CHRNB3: variants seen among roughly 807,000 people sequenced by gnomAD.
The protein encoded by CHRNB3 is cholinergic receptor nicotinic beta 3 subunit, also known as neuronal acetylcholine receptor subunit beta-3.
A neutral mutation model predicts 40.6 loss-of-function variants in CHRNB3; 37 were observed. That is an observed-to-expected ratio of 0.91 (90% CI 0.70 to 1.20). The LOEUF is 1.20. Among genes scored for constraint, CHRNB3 ranks in the 50% most tolerant of loss-of-function variants. The pLI, the probability that CHRNB3 is intolerant of heterozygous loss-of-function variation, is 0.00. For synonymous variants in CHRNB3, 207 were observed against 207.1 expected (o/e 1.00, Z 0.00); for missense variants, 505 against 551.2 (o/e 0.92, Z 0.84).
At position 42,708,558 on chromosome 8, in the gene CHRNB3, G is replaced by A. The variant is rs144261068; in HGVS notation, c.53-159G>A. 6.6e-5 allele frequency among the ~76,000 whole-genome samples: 10 copies of A among 152,204 alleles called. No individual in the cohort carries two copies. In the East Asian group the frequency reaches 1.9e-3, roughly 29 times the overall value. On this transcript the variant is annotated intron_variant, in intron 1 of 5. Coordinates refer to ENST00000289957, the MANE Select transcript of CHRNB3 (RefSeq NM_000749.5). ...TTGGAGGGAGGTGGGAGTGGACGTG[G>A]AGACTCTTGCATGCTCCAAGTTGCC...
chr8:42,699,981 T>C (rs1815754169), intron 1 of CHRNB3, among the ~76,000 whole-genome samples: 1 of 151,168 alleles, frequency 6.6e-6, no homozygotes, highest in Middle Eastern at 3.4e-3. Context: ...TTCACAATCG[T>C]CTTTGCTGAG....
At chr8:42,703,229 G>A (rs1815849177) in intron 1 of CHRNB3, among the ~76,000 whole-genome samples, 1 of 151,508 alleles carries the variant, frequency 6.6e-6, no homozygotes, top group South Asian at 2.1e-4. Context: ...TTCAAGACCA[G>A]CCTGACCAAT....
rs180939079 is a variant in CHRNB3, at chr8:42,732,515, C to T, written c.1208C>T (p.Ser403Leu). 58 of 1,605,044 alleles carry T rather than the reference C, an allele frequency of 3.6e-5. No homozygotes were observed. In the Admixed American group the frequency reaches 6.8e-4, roughly 19 times the overall value. ...GCTGCTGATTCCATTAGATACATTT[C>T]GAGACATGTGAAGAAAGAACATTTT... ...EKAADSIRYISRHVKKEHFIS... is the reference protein window; with the variant it reads ...EKAADSIRYILRHVKKEHFIS... The change falls in exon 5 of 6, where the codon TCG (serine) becomes TTG (leucine). Residue 403 changes from serine to leucine, a missense_variant. Coordinates refer to ENST00000289957, the MANE Select transcript of CHRNB3 (RefSeq NM_000749.5).
chr8:42,733,194 G>A (rs1816458904), intron 5 of CHRNB3, among the ~76,000 whole-genome samples: 1 of 151,948 alleles, frequency 6.6e-6, no homozygotes, highest in African/African-American at 2.4e-5. Flanking sequence ...ACTGGGTGTG[G>A]GTGGGCGTGC....
chr8:42,720,844 T>C (rs1019537693), intron 3 of CHRNB3, among the ~76,000 whole-genome samples: 1 of 152,252 alleles, frequency 6.6e-6, no homozygotes, highest in Non-Finnish European at 1.5e-5. Flanking sequence ...TTTTGCAATT[T>C]GCAACAAGAC....
intron 1 of CHRNB3, among the ~76,000 whole-genome samples, chr8:42,702,053 A>T (rs1815814984): frequency 6.6e-6 from 1 of 152,098 alleles, no homozygotes; most frequent in Non-Finnish European, 1.5e-5. Flanking sequence ...TTCTCCTCCT[A>T]ATGAGTGATG....
At chr8:42,702,944 G>A (rs528595188) in intron 1 of CHRNB3, among the ~76,000 whole-genome samples, 9 of 152,150 alleles carry the variant, frequency 5.9e-5, no homozygotes, top group Non-Finnish European at 7.3e-5. Flanking sequence ...AGAAGACCAC[G>A]CAGGCCACCA....
intron 3 of CHRNB3, among the ~76,000 whole-genome samples, chr8:42,720,846 C>T (rs1194948591): frequency 6.6e-6 from 1 of 152,216 alleles, no homozygotes; most frequent in Non-Finnish European, 1.5e-5. Context: ...TTGCAATTTG[C>T]AACAAGACAG....
At chr8:42,712,711 G>C (rs1357765557) in intron 3 of CHRNB3, among the ~76,000 whole-genome samples, 1 of 152,080 alleles carries the variant, frequency 6.6e-6, no homozygotes, top group Non-Finnish European at 1.5e-5. Flanking sequence ...AGTTGATAAA[G>C]GCCAAGAAGA....
intron 1 of CHRNB3, among the ~76,000 whole-genome samples, chr8:42,698,081 A>G (rs1023680885): frequency 6.6e-6 from 1 of 152,348 alleles, no homozygotes; most frequent in Admixed American, 6.5e-5. Flanking sequence ...GCATGTTTAT[A>G]TATCACAATT....
chr8:42,717,819 CTTT>C (rs71550406), intron 3 of CHRNB3, among the ~76,000 whole-genome samples: 5 of 100,202 alleles, frequency 5.0e-5, no homozygotes, highest in East Asian at 2.8e-4. Flanking sequence ...CTTTCTCATC[CTTT>C]TTTTTTTTTT....
At chr8:42,712,318 A>G (rs141263154) in intron 3 of CHRNB3, among the ~76,000 whole-genome samples, 79 of 152,246 alleles carry the variant, frequency 5.2e-4, no homozygotes, top group African/African-American at 1.7e-3. Context: ...GATATTGCCT[A>G]ATTTGCCCCA....
chr8:42,726,622 C>T (rs1198387407), intron 3 of CHRNB3, among the ~76,000 whole-genome samples: 2 of 152,010 alleles, frequency 1.3e-5, no homozygotes, highest in Non-Finnish European at 2.9e-5. Context: ...CCTCAGCCTC[C>T]TGAGTAGCTG....
At chr8:42,710,309 TC>T in intron 2 of CHRNB3, 80 bp from the exon 3 acceptor site, 1 of 1,087,282 alleles carries the variant, frequency 9.2e-7, no homozygotes, top group South Asian at 1.3e-5. Context: ...CATCTTGAGA[TC>T]CCATTTCTAA....
chr8:42,713,526 C>T (rs1343855317), intron 3 of CHRNB3, among the ~76,000 whole-genome samples: 1 of 152,074 alleles, frequency 6.6e-6, no homozygotes, highest in Non-Finnish European at 1.5e-5. Context: ...TGAGAATAAT[C>T]GACTTTTTTG....
Position 42,736,530 on chromosome 8 carries a change from T to C in CHRNB3, c.1289T>C (p.Phe430Ser), listed in dbSNP as rs554240099. The part of the protein sequence containing the change: ...KFVAQVLDRI[F>S]LWLFLIVSVT... ...GTAGCTCAAGTTCTTGACCGAATCT[T>C]CCTGTGGCTCTTTCTGATAGTGTCA... Residue 430 changes from phenylalanine (F) to serine (S), a missense_variant, in exon 6 of 6, where the codon TTC (phenylalanine) becomes TCC (serine). Coordinates refer to ENST00000289957, the MANE Select transcript of CHRNB3 (RefSeq NM_000749.5). The C allele has an allele frequency of 6.6e-4, 1,073 of 1,614,232 alleles. 23 individuals carry two copies. In the South Asian group the frequency reaches 0.011, roughly 17 times the overall value.
At chr8:42,714,432 C>A (rs1563609955) in intron 3 of CHRNB3, among the ~76,000 whole-genome samples, 1 of 151,812 alleles carries the variant, frequency 6.6e-6, no homozygotes, top group Non-Finnish European at 1.5e-5. Context: ...TACCTGGGAG[C>A]CGAGATCGTG....
At chr8:42,732,713 C>T (rs911846601) in intron 5 of CHRNB3, among the ~76,000 whole-genome samples, 164 bp downstream of exon 5, 8 of 152,010 alleles carry the variant, frequency 5.3e-5, no homozygotes, top group East Asian at 3.8e-4. Flanking sequence ...CATAACATAG[C>T]GACATTAGTA....
chr8:42,700,445 C>T (rs1284379035), intron 1 of CHRNB3, among the ~76,000 whole-genome samples: 1 of 152,074 alleles, frequency 6.6e-6, no homozygotes, highest in Non-Finnish European at 1.5e-5. Flanking sequence ...CCTCAGCCTC[C>T]CGAGTAGCTG....
Sources: allele counts gnomAD v4.1 joint callset (sites outside exome capture counted in the v4.1 genomes callset), GRCh38; gene constraint gnomAD v4.1.1; transcripts MANE v1.5; gene names NCBI Gene and HGNC (gene_info 2026-07-23, HGNC 2026-07-21).